The following EDIL3 variants were observed in gnomAD, a reference collection of about 807,000 sequenced individuals.
EDIL3 encodes EGF like and discoidin domains 3.
In EDIL3, 37 loss-of-function variants were observed where a neutral mutation model predicts 67.4. The observed-to-expected ratio is 0.55, with a 90% CI of 0.42 to 0.72. The LOEUF is 0.72. EDIL3 is among the 30% of genes least tolerant of loss of function. The pLI is 0.00. For missense variants in EDIL3, 527 were observed against 586.3 expected (o/e 0.90, Z 1.04); for synonymous variants, 195 against 196.3 (o/e 0.99, Z 0.05).
intron 9 of EDIL3, chr5:84,047,524 T>C (rs1746245282): frequency 6.6e-6 from 1 of 152,114 alleles, no homozygotes; most frequent in African/African-American, 2.4e-5. Context: ...CAATAATTGT[T>C]ACATGACTTT....
chr5:84,216,998 C>A (rs1269758404), intron 3 of EDIL3, among the ~76,000 whole-genome samples: 1 of 152,132 alleles, frequency 6.6e-6, no homozygotes, highest in Admixed American at 6.5e-5. Flanking sequence ...AAGTTCAGAC[C>A]TGAAGGCCCA....
intron 9 of EDIL3, among the ~76,000 whole-genome samples, chr5:84,056,305 A>G (rs1746445624): frequency 6.6e-6 from 1 of 150,718 alleles, no homozygotes; most frequent in Non-Finnish European, 1.5e-5. Context: ...GGTACATCAT[A>G]TACCGGGGCC....
chr5:84,228,862 T>C (rs748627505), intron 3 of EDIL3, among the ~76,000 whole-genome samples: 7 of 152,106 alleles, frequency 4.6e-5, no homozygotes, highest in Non-Finnish European at 1.0e-4. Context: ...ATCTTGTATA[T>C]GAGTTTCAAT....
At chr5:84,375,363 T>C (rs1368088652) in intron 1 of EDIL3, among the ~76,000 whole-genome samples, 2 of 152,040 alleles carry the variant, frequency 1.3e-5, no homozygotes, top group Non-Finnish European at 2.9e-5. Context: ...AGTTTGAAGT[T>C]TTTTTAAAAA....
intron 9 of EDIL3, among the ~76,000 whole-genome samples, chr5:84,010,660 T>C (rs1340871106): frequency 6.6e-6 from 1 of 152,190 alleles, no homozygotes; most frequent in African/African-American, 2.4e-5. Flanking sequence ...CTAGGTATTA[T>C]CTCAACTAAT....
At chr5:84,316,748 G>A (rs563623493) in intron 1 of EDIL3, among the ~76,000 whole-genome samples, 40 of 151,920 alleles carry the variant, frequency 2.6e-4, no homozygotes, top group Admixed American at 6.6e-4. Context: ...CTCAGCTCTG[G>A]ACCAAGTGGA....
chr5:83,948,379 C>T (rs1302853236), intron 10 of EDIL3, among the ~76,000 whole-genome samples: 1 of 151,626 alleles, frequency 6.6e-6, no homozygotes, highest in East Asian at 1.9e-4. Flanking sequence ...TTCAGAGTTA[C>T]AACTTGAATC....
rs60143474 is a variant in EDIL3, at chr5:83,970,256, T to TTATATATATATATATA, written c.1138-6912_1138-6897dup. 9.1e-3 allele frequency among the ~76,000 whole-genome samples: 1,168 copies of TTATATATATATATATA among 128,192 alleles called. 12 individuals are homozygous for TTATATATATATATATA. Among genetic ancestry groups the TTATATATATATATATA allele is most frequent in the African/African-American group, 0.023 (699 of 30,526 alleles). 84.1% of individuals were successfully genotyped at this position (128,192 alleles called of 152,430 possible). ...TTTCTTAATTGTTCAGTGTCACTAA[T>TTATATATATATATATA]TATATATATATATATATATATATAT... On this transcript the variant is annotated intron_variant, in intron 9 of 10. Transcript: ENST00000296591.
chr5:84,293,363 G>A (rs1745966314), intron 1 of EDIL3, among the ~76,000 whole-genome samples: 1 of 152,164 alleles, frequency 6.6e-6, no homozygotes, highest in South Asian at 2.1e-4. Flanking sequence ...AGATGGCAGA[G>A]AGGTTGAATA....
intron 1 of EDIL3, among the ~76,000 whole-genome samples, chr5:84,293,678 A>C (rs1358932319): frequency 6.6e-6 from 1 of 151,988 alleles, no homozygotes; most frequent in Non-Finnish European, 1.5e-5. Flanking sequence ...GATTAATATA[A>C]AAATAAATAC....
intron 9 of EDIL3, among the ~76,000 whole-genome samples, chr5:83,964,504 A>T (rs1339223644): frequency 6.6e-6 from 1 of 151,880 alleles, no homozygotes; most frequent in Admixed American, 6.6e-5. Context: ...CTATCCTGTG[A>T]GATGTAAGGT....
intron 9 of EDIL3, among the ~76,000 whole-genome samples, chr5:84,037,058 G>A (rs893771892): frequency 1.3e-5 from 2 of 152,120 alleles, no homozygotes; most frequent in Non-Finnish European, 2.9e-5. Context: ...CCAGCTGAGA[G>A]GATGAGACTG....
intron 1 of EDIL3, among the ~76,000 whole-genome samples, chr5:84,286,943 T>A (rs1182784595): frequency 6.6e-6 from 1 of 152,164 alleles, no homozygotes; most frequent in Non-Finnish European, 1.5e-5. Flanking sequence ...TCAGCAATGC[T>A]AGTGCAGAAG....
chr5:84,126,983 A>G (rs1426756249), intron 5 of EDIL3, among the ~76,000 whole-genome samples: 1 of 152,086 alleles, frequency 6.6e-6, no homozygotes, highest in African/African-American at 2.4e-5. Flanking sequence ...CCAAATTGTC[A>G]TTTCGGGGAT....
chr5:84,169,004 C>A (rs984492407), intron 4 of EDIL3, among the ~76,000 whole-genome samples: 6 of 152,094 alleles, frequency 3.9e-5, no homozygotes, highest in Admixed American at 3.3e-4. Context: ...ATGCTCCAGA[C>A]ACATACCCAT....
chr5:84,221,524 A>G (rs993670406), intron 3 of EDIL3, among the ~76,000 whole-genome samples: 1 of 151,416 alleles, frequency 6.6e-6, no homozygotes, highest in Admixed American at 6.6e-5. Flanking sequence ...ACAGTTAAAC[A>G]TCACTATCAC....
At chr5:84,299,881 TA>T (rs1746122661) in intron 1 of EDIL3, among the ~76,000 whole-genome samples, 1 of 152,208 alleles carries the variant, frequency 6.6e-6, no homozygotes, top group African/African-American at 2.4e-5. Flanking sequence ...TATCAGCCCA[TA>T]AATGTGGAAC....
At chr5:84,260,131 T>A (rs1466990075) in intron 1 of EDIL3, among the ~76,000 whole-genome samples, 2 of 152,154 alleles carry the variant, frequency 1.3e-5, no homozygotes, top group African/African-American at 2.4e-5. Flanking sequence ...AATCACATAT[T>A]CATATGCCAC....
At chr5:84,341,521 G>A (rs1407319481) in intron 1 of EDIL3, among the ~76,000 whole-genome samples, 2 of 152,060 alleles carry the variant, frequency 1.3e-5, no homozygotes, top group Non-Finnish European at 2.9e-5. Context: ...CTTTCTATAA[G>A]GTTTTGTTAA....
Sources: allele counts gnomAD v4.1 joint callset (sites outside exome capture counted in the v4.1 genomes callset), GRCh38; gene constraint gnomAD v4.1.1; transcripts MANE v1.5; gene names NCBI Gene and HGNC (gene_info 2026-07-23, HGNC 2026-07-21).